Variants in NRXN2 observed in about 807,000 individuals in gnomAD.
NRXN2 encodes the protein neurexin-2-beta.
A neutral mutation model predicts 128.8 loss-of-function variants in NRXN2; 29 were observed. The observed-to-expected ratio is 0.23, with a 90% CI of 0.17 to 0.31. The LOEUF (loss-of-function observed/expected upper bound fraction) is 0.31. Ranked by LOEUF, NRXN2 falls within the 10% of genes least tolerant of loss-of-function variation. The probability of loss-of-function intolerance (pLI) is 1.00; values close to 1 mark genes in which losing one functional copy is unlikely to be tolerated. For synonymous variants in NRXN2, 1,098 were observed against 1,075.2 expected, an observed-to-expected ratio of 1.02 and a Z score of -0.41; for missense variants, 1,881 against 2,452.6, an observed-to-expected ratio of 0.77 and a Z score of 4.92.
intron 19 of NRXN2, among the ~76,000 whole-genome samples, chr11:64,626,991 C>T (rs576381389): frequency 1.3e-5 from 2 of 152,176 alleles, no homozygotes; most frequent in African/African-American, 2.4e-5. Flanking sequence ...GTTTAGAGGG[C>T]GGTTTAGAAG....
At chr11:64,715,448 G>C (rs902198198) in intron 1 of NRXN2, among the ~76,000 whole-genome samples, 1 of 152,176 alleles carries the variant, frequency 6.6e-6, no homozygotes, top group African/African-American at 2.4e-5. Context: ...GGCTGACTTC[G>C]GGAGGGGAAG....
At position 64,630,715 on chromosome 11, in the gene NRXN2, C is replaced by T; in HGVS notation, c.3586-142G>A. 1.1e-6 allele frequency: 1 copy of T among 943,628 alleles called. No homozygotes were observed. The highest frequency in any genetic ancestry group is 1.6e-6 in the Non-Finnish European group (1 of 612,876). The allele number at this position is 943,628 out of a possible 1,614,324, so 58.5% of individuals were successfully genotyped here. A position where few individuals can be genotyped will look rare whatever the true frequency, so the allele number is the denominator to read the frequency against. The stretch of plus-strand genomic sequence containing the variant: ...GGTCTCAACCGCTGGAGGAGGTGGG[C>T]AGGCTCGCTCCCCTTCCCCACATGC... On this transcript the variant is annotated intron_variant, in intron 18 of 22. Coordinates refer to ENST00000265459, the MANE Select transcript of NRXN2 (RefSeq NM_015080.4). This position sits in a 1 kb window ranked among gnomAD's most constrained non-coding sequence, Gnocchi z 4.6.
At chr11:64,655,148 A>T (rs946676493) in intron 11 of NRXN2, among the ~76,000 whole-genome samples, 4 of 152,346 alleles carry the variant, frequency 2.6e-5, no homozygotes, top group Admixed American at 2.6e-4. Flanking sequence ...CAGTGGAGGT[A>T]AACTGATGCC....
chr11:64,635,522 T>C lies in NRXN2; in HGVS notation c.3404-70A>G. 1.9e-6 allele frequency: 3 copies of C among 1,545,590 alleles called. No individual in the cohort carries two copies. The highest frequency in any genetic ancestry group is 2.7e-6 in the Non-Finnish European group (3 of 1,130,536). On this transcript the variant is annotated intron_variant, in intron 17 of 22. Transcript: ENST00000265459. The surrounding 1 kb of genome is among the most constrained non-coding windows in gnomAD (Gnocchi z 4.8). The stretch of plus-strand genomic sequence containing the variant: ...GGACGAGGTCAGCAGGTCCTCAGGG[T>C]TGTGACCAGAGGGATGGAACCCCAG...
At chr11:64,608,207 C>T (rs1440308546) in intron 22 of NRXN2, 125 bp from the exon 23 acceptor site, 11 of 771,172 alleles carry the variant, frequency 1.4e-5, no homozygotes, top group Non-Finnish European at 2.1e-5. Context: ...TTGGCGGAGA[C>T]TAGAGCGGGC....
At chr11:64,625,174 C>G (rs1387102642) in intron 20 of NRXN2, among the ~76,000 whole-genome samples, 2 of 152,220 alleles carry the variant, frequency 1.3e-5, no homozygotes, top group Non-Finnish European at 2.9e-5. Flanking sequence ...ATTCCTCCCC[C>G]ACCCCCCAAC....
In NRXN2 at chr11:64,690,494, G is replaced by T; in HGVS notation, c.779-18C>A. 2 of 1,609,904 alleles carry T rather than the reference G, an allele frequency of 1.2e-6. No homozygotes were observed. The highest frequency in any genetic ancestry group is 1.7e-6 in the Non-Finnish European group (2 of 1,177,896). On this transcript the variant is annotated intron_variant, in intron 4 of 22. Coordinates refer to ENST00000265459, the MANE Select transcript of NRXN2 (RefSeq NM_015080.4). ...GGACCCTACTGGAGAAGCAGAATTG[G>T]GGAGTCAGGCACAGGGGGTACCGAG...
intron 2 of NRXN2, among the ~76,000 whole-genome samples, chr11:64,698,322 C>T (rs2054834394): frequency 6.6e-6 from 1 of 152,206 alleles, no homozygotes. Context: ...ACACAATTCA[C>T]ATATAAAGCC....
chr11:64,696,613 T>A (rs504915), intron 3 of NRXN2, among the ~76,000 whole-genome samples: 75,683 of 150,306 alleles, frequency 0.5, 23,160 homozygotes, highest in Non-Finnish European at 0.7. Context: ...AAAAGAGACA[T>A]CCAAGAGAGA....
rs1287622769 is a variant in NRXN2, at chr11:64,617,503, G to T, written c.4252+2791C>A. ...AGCTAAAATAACCGTGTAGATGATG[G>T]TCTCACTAAACAAGGGAGAAAGTAT... is the stretch of plus-strand genomic sequence containing the variant. On this transcript the variant is annotated intron_variant, in intron 22 of 22. Transcript: ENST00000265459. Among the ~76,000 whole-genome samples the T allele has an allele frequency of 2.0e-5, 3 of 152,214 alleles. No individual in the cohort carries two copies. The East Asian group carries it at 5.8e-4, about 29-fold the overall frequency.
At chr11:64,668,747 G>A in intron 7 of NRXN2, 143 bp from the exon 8 acceptor site, 1 of 835,724 alleles carries the variant, frequency 1.2e-6, no homozygotes, top group Non-Finnish European at 2.0e-6. Context: ...CTTGGAGGAG[G>A]AACAGTGGGG....
chr11:64,653,005 C>G (rs1414001835), intron 12 of NRXN2, among the ~76,000 whole-genome samples: 1 of 149,860 alleles, frequency 6.7e-6, no homozygotes, highest in Non-Finnish European at 1.5e-5. Flanking sequence ...CACACAGTCT[C>G]TCTGCCTGGG....
chr11:64,620,184 A>G, intron 22 of NRXN2, 110 bp downstream of exon 22: 2 of 817,518 alleles, frequency 2.4e-6, no homozygotes, highest in Non-Finnish European at 4.1e-6. Context: ...AGGGAAAGCT[A>G]AGGCCTGGCA....
intron 2 of NRXN2, among the ~76,000 whole-genome samples, chr11:64,704,623 C>CACACACACAGAGAGAGAG (rs1336665936): frequency 2.5e-5 from 2 of 81,206 alleles, no homozygotes; most frequent in African/African-American, 9.4e-5. Flanking sequence ...CACACACACA[C>CACACACACAGAGAGAGAG]AGAGAGAGAG....
At chr11:64,638,805 A>G (rs1393073945) in intron 17 of NRXN2, among the ~76,000 whole-genome samples, 1 of 152,220 alleles carries the variant, frequency 6.6e-6, no homozygotes, top group Non-Finnish European at 1.5e-5. Flanking sequence ...ACAAGATGCC[A>G]TAGGCCCAGG....
chr11:64,720,681 TGTGCACACACAC>T (rs1357962486), intron 1 of NRXN2, among the ~76,000 whole-genome samples: 1 of 152,144 alleles, frequency 6.6e-6, no homozygotes, highest in Non-Finnish European at 1.5e-5. Context: ...CATGTGCTGG[TGTGCACACACAC>T]GTGCACACAC....
intron 1 of NRXN2, among the ~76,000 whole-genome samples, chr11:64,722,289 C>T (rs931962658): frequency 8.7e-5 from 13 of 149,998 alleles, no homozygotes; most frequent in African/African-American, 3.2e-4. Flanking sequence ...CTCCCTGTCT[C>T]ATCACCCCCA....
intron 6 of NRXN2, among the ~76,000 whole-genome samples, chr11:64,683,645 A>G (rs970477287): frequency 3.3e-5 from 5 of 152,014 alleles, no homozygotes; most frequent in Non-Finnish European, 7.4e-5. Context: ...AAGAAAAGAA[A>G]AGAAATTCCC....
intron 15 of NRXN2, among the ~76,000 whole-genome samples, chr11:64,649,320 T>A (rs985322879): frequency 1.3e-5 from 2 of 152,102 alleles, no homozygotes; most frequent in African/African-American, 4.8e-5. Context: ...TTCCCAACTC[T>A]TGGGCTCTCT....
Sources: gnomAD v4.1 joint callset for allele counts (sites outside exome capture counted in the v4.1 genomes callset) on GRCh38, gnomAD v4.1.1 for gene constraint, Gnocchi (gnomAD v3.1) non-coding constraint, MANE v1.5 for transcripts, NCBI Gene and HGNC (gene_info 2026-07-23, HGNC 2026-07-21) for gene names.